ZNF804A: variants seen among roughly 807,000 people sequenced by gnomAD.
The protein encoded by ZNF804A is zinc finger protein 804A.
A neutral mutation model predicts 16.5 loss-of-function variants in ZNF804A; 2 were observed. That is an observed-to-expected ratio of 0.12 (90% confidence interval 0.05 to 0.38). The LOEUF is 0.38. Ranked by LOEUF, ZNF804A falls within the 10% of genes least tolerant of loss-of-function variation. The probability of loss-of-function intolerance (pLI) is 0.99; values close to 1 mark genes in which losing one functional copy is unlikely to be tolerated. For missense variants in ZNF804A, 1,473 were observed against 1,390.7 expected (o/e 1.06, Z -0.94); for synonymous variants, 534 against 489.6 (o/e 1.09, Z -1.20).
intron 2 of ZNF804A, among the ~76,000 whole-genome samples, chr2:184,907,480 C>T (rs1685295543): frequency 6.6e-6 from 1 of 152,234 alleles, no homozygotes; most frequent in Middle Eastern, 3.4e-3. Flanking sequence ...ATCCCATATA[C>T]AGTATATTTT....
At chr2:184,763,687 G>A (rs1317677981) in intron 1 of ZNF804A, among the ~76,000 whole-genome samples, 1 of 119,848 alleles carries the variant, frequency 8.3e-6, no homozygotes, top group Non-Finnish European at 1.6e-5. Context: ...CCGTCGCCCA[G>A]GCTGGAGTGC....
intron 1 of ZNF804A, among the ~76,000 whole-genome samples, chr2:184,739,899 A>T (rs1693688582): frequency 6.6e-6 from 1 of 152,206 alleles, no homozygotes; most frequent in Admixed American, 6.5e-5. Flanking sequence ...ATCAGTGCAG[A>T]CATTCTCCAA....
chr2:184,714,373 T>C (rs999040088), intron 1 of ZNF804A, among the ~76,000 whole-genome samples: 2 of 152,100 alleles, frequency 1.3e-5, no homozygotes, highest in Admixed American at 6.6e-5. Context: ...AACTATTAAA[T>C]ATGCATTACT....
chr2:184,686,540 T>C (rs1692636807), intron 1 of ZNF804A, among the ~76,000 whole-genome samples: 1 of 152,226 alleles, frequency 6.6e-6, no homozygotes, highest in Non-Finnish European at 1.5e-5. Flanking sequence ...GATGATTTAC[T>C]TTCCTTTGGG....
At chr2:184,837,658 A>T (rs1299986941) in intron 1 of ZNF804A, among the ~76,000 whole-genome samples, 2 of 152,184 alleles carry the variant, frequency 1.3e-5, no homozygotes, top group Admixed American at 1.3e-4. Flanking sequence ...TTTGAAAAAC[A>T]AACATGATAT....
chr2:184,669,233 T>A (rs1183584553), intron 1 of ZNF804A, among the ~76,000 whole-genome samples: 1 of 152,052 alleles, frequency 6.6e-6, no homozygotes, highest in African/African-American at 2.4e-5. Context: ...AGAATACATA[T>A]TTTTTCTGGA....
intron 1 of ZNF804A, among the ~76,000 whole-genome samples, chr2:184,663,221 C>G (rs1448340443): frequency 6.6e-6 from 1 of 152,182 alleles, no homozygotes; most frequent in Non-Finnish European, 1.5e-5. Context: ...GCCCCCATAC[C>G]CTCACAGGCT....
rs975523892 is a variant in ZNF804A, at chr2:184,691,122, C to G, written c.111+92052C>G. On this transcript the variant is annotated intron_variant, in intron 1 of 3. Coordinates refer to ENST00000302277, the MANE Select transcript of ZNF804A (RefSeq NM_194250.2). ...TATGCACAACACTTTTGTGTTGGGG[C>G]TTTTGAAGGGATGATCATGCTTTTT... Among the ~76,000 whole-genome samples, 9 of 151,990 alleles carry G rather than the reference C, an allele frequency of 5.9e-5. No homozygotes were observed. The South Asian group carries it at 6.2e-4, about 11-fold the overall frequency.
intron 1 of ZNF804A, among the ~76,000 whole-genome samples, chr2:184,769,994 A>G (rs1472294791): frequency 6.6e-6 from 1 of 152,112 alleles, no homozygotes; most frequent in African/African-American, 2.4e-5. Context: ...TTAAAGTTAT[A>G]ATTTTGAGTT....
At chr2:184,740,648 C>G (rs923386324) in intron 1 of ZNF804A, among the ~76,000 whole-genome samples, 1 of 151,966 alleles carries the variant, frequency 6.6e-6, no homozygotes, top group Non-Finnish European at 1.5e-5. Flanking sequence ...AAAGAAGTTC[C>G]CCTTTAAAGT....
chr2:184,630,193 T>A (rs1691583207), intron 1 of ZNF804A, among the ~76,000 whole-genome samples: 1 of 152,172 alleles, frequency 6.6e-6, no homozygotes, highest in African/African-American at 2.4e-5. Context: ...CATTCCTAAG[T>A]AATATTTTAT....
At chr2:184,877,735 C>A (rs1008612934) in intron 2 of ZNF804A, among the ~76,000 whole-genome samples, 14 of 151,904 alleles carry the variant, frequency 9.2e-5, no homozygotes, top group African/African-American at 3.4e-4. Flanking sequence ...TAGTTTGAGG[C>A]CAAGGTTGGA....
intron 1 of ZNF804A, among the ~76,000 whole-genome samples, chr2:184,645,910 G>A (rs1303620402): frequency 6.6e-6 from 1 of 152,156 alleles, no homozygotes; most frequent in Non-Finnish European, 1.5e-5. Context: ...GAGAGGCAGA[G>A]AGCCTCCCTC....
intron 1 of ZNF804A, among the ~76,000 whole-genome samples, chr2:184,764,140 A>C (rs1171350745): frequency 6.6e-6 from 1 of 152,184 alleles, no homozygotes; most frequent in Non-Finnish European, 1.5e-5. Context: ...AACTAAATAC[A>C]GACTTTGGCT....
intron 1 of ZNF804A, among the ~76,000 whole-genome samples, chr2:184,739,636 C>T (rs1242631797): frequency 6.6e-6 from 1 of 152,174 alleles, no homozygotes; most frequent in Non-Finnish European, 1.5e-5. Flanking sequence ...AAGTGATCCT[C>T]CAGCCTCGGC....
At chr2:184,852,568 A>G (rs1430535246) in intron 1 of ZNF804A, among the ~76,000 whole-genome samples, 1 of 148,364 alleles carries the variant, frequency 6.7e-6, no homozygotes, top group African/African-American at 2.5e-5. Context: ...TGTTTTTAGC[A>G]GTTTTACAGT....
intron 1 of ZNF804A, among the ~76,000 whole-genome samples, chr2:184,795,732 C>G (rs1287992484): frequency 6.6e-6 from 1 of 151,934 alleles, no homozygotes; most frequent in African/African-American, 2.4e-5. Context: ...AGAAATGAAA[C>G]AGGATATATT....
At chr2:184,860,965 C>T (rs1009485074) in intron 1 of ZNF804A, among the ~76,000 whole-genome samples, 1 of 152,174 alleles carries the variant, frequency 6.6e-6, no homozygotes, top group African/African-American at 2.4e-5. Context: ...TGGATGAGGT[C>T]CAGAGCCTGG....
chr2:184,859,821 A>C (rs569877726), intron 1 of ZNF804A, among the ~76,000 whole-genome samples: 1 of 152,232 alleles, frequency 6.6e-6, no homozygotes, highest in African/African-American at 2.4e-5. Context: ...GCTGGAATCT[A>C]AAGTCGAGTT....
Sources: gnomAD v4.1 joint callset for allele counts (sites outside exome capture counted in the v4.1 genomes callset) on GRCh38, gnomAD v4.1.1 for gene constraint, MANE v1.5 for transcripts, NCBI Gene and HGNC (gene_info 2026-07-23, HGNC 2026-07-21) for gene names.